AKR1E2: variants seen among roughly 807,000 people sequenced by gnomAD.
The protein encoded by AKR1E2 is 1,5-anhydro-D-fructose reductase.
In AKR1E2, 43 loss-of-function variants were observed where a neutral mutation model predicts 41.9. The ratio of observed to expected loss-of-function variants is 1.03; its 90% CI spans 0.80 to 1.32. The LOEUF is 1.32. Among genes scored for constraint, AKR1E2 ranks in the 40% most tolerant of loss-of-function variants. The pLI, the probability that AKR1E2 is intolerant of heterozygous loss-of-function variation, is 0.00. For missense variants in AKR1E2, 423 were observed against 396.5 expected, an observed-to-expected ratio of 1.07 and a Z score of -0.57; for synonymous variants, 121 against 138.9, an observed-to-expected ratio of 0.87 and a Z score of 0.91.
downstream of AKR1E2, among the ~76,000 whole-genome samples, chr10:4,851,012 A>G (rs1417270119): frequency 6.6e-6 from 1 of 152,082 alleles, no homozygotes; most frequent in Non-Finnish European, 1.5e-5. Flanking sequence ...AGCTTTCTTT[A>G]TTGTTATTCC....
At position 4,830,665 on chromosome 10, in the gene AKR1E2, G is replaced by C; in HGVS notation, c.40-10G>C. 1 of 1,613,274 alleles carries C rather than the reference G, an allele frequency of 6.2e-7. No homozygotes were observed. The highest frequency in any genetic ancestry group is 8.5e-7 in the Non-Finnish European group (1 of 1,179,344). On this transcript the variant is annotated splice_polypyrimidine_tract_variant and intron_variant, in intron 1 of 9. Transcript: ENST00000298375. ...CTGTGAGAAGACACTTTGTTTTGTT[G>C]GTTTTGCAGGCTTCTCCAGGGAAAG...
At chr10:4,841,905 C>G (rs756534577) in intron 7 of AKR1E2, 48 bp downstream of exon 7, 4 of 1,570,348 alleles carry the variant, frequency 2.5e-6, no homozygotes, top group Non-Finnish European at 2.6e-6. Context: ...TCTGACCGCT[C>G]TACATCCTTG....
At chr10:4,838,394 T>C (rs1458650917) in intron 5 of AKR1E2, among the ~76,000 whole-genome samples, 2 of 152,242 alleles carry the variant, frequency 1.3e-5, no homozygotes, top group East Asian at 3.8e-4. Context: ...TTATTTCTTG[T>C]GGTATTCTGT....
intron 3 of AKR1E2, among the ~76,000 whole-genome samples, chr10:4,835,321 G>A (rs1254359820): frequency 6.6e-6 from 1 of 152,208 alleles, no homozygotes; most frequent in African/African-American, 2.4e-5. Context: ...GGTTGATTGG[G>A]CTCTATAAGA....
intron 3 of AKR1E2, among the ~76,000 whole-genome samples, chr10:4,835,261 A>T (rs560720315): frequency 8.5e-4 from 129 of 152,274 alleles, no homozygotes; most frequent in Non-Finnish European, 1.5e-3. Flanking sequence ...TGTCATCATG[A>T]TGGGGATTCT....
At chr10:4,856,705 G>A in the AKR1E2 span, among the ~76,000 whole-genome samples, 237 of 152,282 alleles carry the variant, frequency 1.6e-3, 1 homozygote, top group Middle Eastern at 0.014. Context: ...ATGACTTAGT[G>A]TATGTTATTA....
intron 6 of AKR1E2, 101 bp downstream of exon 6, chr10:4,839,927 T>C (rs1833740733): frequency 1.8e-6 from 2 of 1,112,290 alleles, no homozygotes; most frequent in Non-Finnish European, 2.7e-6. Flanking sequence ...AATGGAGGTT[T>C]TGACAGGGTG....
chr10:4,862,458 A>T, the AKR1E2 span, among the ~76,000 whole-genome samples: 5 of 152,106 alleles, frequency 3.3e-5, no homozygotes, highest in Non-Finnish European at 5.9e-5. Context: ...TTTTTTCCAA[A>T]TCTGTGAAGA....
At chr10:4,828,029 A>G (rs1252797478) in intron 1 of AKR1E2, among the ~76,000 whole-genome samples, 1 of 152,228 alleles carries the variant, frequency 6.6e-6, no homozygotes, top group African/African-American at 2.4e-5. Context: ...TCACTGGTCT[A>G]TGCAAAGGCT....
chr10:4,849,128 G>A (rs985072499), downstream of AKR1E2, among the ~76,000 whole-genome samples: 2 of 152,168 alleles, frequency 1.3e-5, no homozygotes, highest in Non-Finnish European at 2.9e-5. Flanking sequence ...TGGGAGCCTC[G>A]CCCTAGTGGG....
At chr10:4,851,015 G>A (rs921118869), downstream of AKR1E2, among the ~76,000 whole-genome samples, 12 of 152,152 alleles carry the variant, frequency 7.9e-5, no homozygotes, top group Admixed American at 7.9e-4. Context: ...TTTCTTTATT[G>A]TTATTCCTTA....
the AKR1E2 span, among the ~76,000 whole-genome samples, chr10:4,854,884 C>T: frequency 1.1e-4 from 17 of 152,230 alleles, no homozygotes; most frequent in South Asian, 2.9e-3. Flanking sequence ...AAGTCTCTTT[C>T]GGCTAAGAAT....
the AKR1E2 span, among the ~76,000 whole-genome samples, chr10:4,855,969 T>G: frequency 6.6e-6 from 1 of 152,144 alleles, no homozygotes; most frequent in East Asian, 1.9e-4. Context: ...CAGGAAACAG[T>G]CAGCCCTTAC....
At chr10:4,837,106 AG>A (rs1420863502) in intron 4 of AKR1E2, among the ~76,000 whole-genome samples, 5 of 152,248 alleles carry the variant, frequency 3.3e-5, no homozygotes, top group African/African-American at 1.2e-4. Context: ...CAGGAGGAAT[AG>A]GAACAAGAAG....
chr10:4,844,713 G>C (rs1005048966), intron 8 of AKR1E2, among the ~76,000 whole-genome samples: 476 of 147,426 alleles, frequency 3.2e-3, no homozygotes, highest in East Asian at 9.9e-3. Flanking sequence ...TTCACAAACC[G>C]TGAGCTAGAC....
At chr10:4,868,680 A>G in the AKR1E2 span, among the ~76,000 whole-genome samples, 1 of 152,192 alleles carries the variant, frequency 6.6e-6, no homozygotes, top group Non-Finnish European at 1.5e-5. Context: ...AGGTTATTGC[A>G]GATGTTCTTT....
chr10:4,837,316 A>G (rs1041418516), intron 4 of AKR1E2, 143 bp from the exon 5 acceptor site: 2 of 1,248,502 alleles, frequency 1.6e-6, no homozygotes, highest in Non-Finnish European at 2.2e-6. Flanking sequence ...TTGAGTGCAG[A>G]AATGCTTTTG....
intron 1 of AKR1E2, among the ~76,000 whole-genome samples, chr10:4,828,773 T>C (rs116940842): frequency 1.9e-3 from 284 of 152,350 alleles, no homozygotes; most frequent in Non-Finnish European, 3.2e-3. Flanking sequence ...TGTATAGTTT[T>C]TCCTGAAGAG....
chr10:4,843,392 C>T (rs1834039102), intron 8 of AKR1E2, among the ~76,000 whole-genome samples: 1 of 152,202 alleles, frequency 6.6e-6, no homozygotes, highest in African/African-American at 2.4e-5. Context: ...ACGGATGTCA[C>T]CTGTGATGAT....
Sources: gnomAD v4.1 joint callset for allele counts (sites outside exome capture counted in the v4.1 genomes callset) on GRCh38, gnomAD v4.1.1 for gene constraint, MANE v1.5 for transcripts, NCBI Gene and HGNC (gene_info 2026-07-23, HGNC 2026-07-21) for gene names.